The following CSGALNACT1 variants were observed in gnomAD, a reference collection of about 807,000 sequenced individuals.
CSGALNACT1 encodes chondroitin sulfate N-acetylgalactosaminyltransferase 1.
CSGALNACT1 carries 52 observed loss-of-function variants against 51.0 expected under a neutral mutation model. That is an observed-to-expected ratio of 1.02 (90% confidence interval 0.82 to 1.29). CSGALNACT1 has a LOEUF of 1.29. Ranked by LOEUF, CSGALNACT1 falls within the 50% of genes most tolerant of loss-of-function variation. The pLI is 0.00. For missense variants in CSGALNACT1, 935 were observed against 679.2 expected, an observed-to-expected ratio of 1.38 and a Z score of -4.19; for synonymous variants, 341 against 254.4, an observed-to-expected ratio of 1.34 and a Z score of -3.24.
chr8:19,707,652 C>A (rs995172061), intron 1 of CSGALNACT1, among the ~76,000 whole-genome samples: 1 of 127,300 alleles, frequency 7.9e-6, no homozygotes, highest in Non-Finnish European at 1.7e-5. Flanking sequence ...ACTAGATAAA[C>A]AGTATATGTT....
intron 3 of CSGALNACT1, among the ~76,000 whole-genome samples, chr8:19,516,664 C>T (rs1281192607): frequency 4.6e-5 from 7 of 152,208 alleles, no homozygotes; most frequent in African/African-American, 1.4e-4. Context: ...AGAATATCTT[C>T]GCAACATTCA....
At chr8:19,575,718 A>G (rs565999442) in intron 3 of CSGALNACT1, among the ~76,000 whole-genome samples, 1 of 152,348 alleles carries the variant, frequency 6.6e-6, no homozygotes, top group African/African-American at 2.4e-5. Context: ...AAGTATAAAC[A>G]AAAGTATTTA....
intron 3 of CSGALNACT1, among the ~76,000 whole-genome samples, chr8:19,573,358 C>T (rs959990064): frequency 9.9e-5 from 15 of 152,158 alleles, no homozygotes; most frequent in Non-Finnish European, 1.9e-4. Context: ...TGGCCTTCCT[C>T]GGCACTGGAT....
chr8:19,434,188 G>C (rs1285138551), intron 6 of CSGALNACT1, among the ~76,000 whole-genome samples: 1 of 152,068 alleles, frequency 6.6e-6, no homozygotes, highest in Non-Finnish European at 1.5e-5. Context: ...TGTTTGCAGA[G>C]GCCTTTACTC....
At chr8:19,715,749 G>C (rs561214299) in intron 1 of CSGALNACT1, among the ~76,000 whole-genome samples, 108 of 152,218 alleles carry the variant, frequency 7.1e-4, no homozygotes, top group African/African-American at 2.6e-3. Flanking sequence ...AGTTCTGCTA[G>C]GTGTCTAGTG....
chr8:19,703,740 T>C (rs2062003843), intron 1 of CSGALNACT1, among the ~76,000 whole-genome samples: 1 of 152,214 alleles, frequency 6.6e-6, no homozygotes, highest in Non-Finnish European at 1.5e-5. Flanking sequence ...CATGTCTCCC[T>C]GATTGATACA....
intron 6 of CSGALNACT1, among the ~76,000 whole-genome samples, chr8:19,437,507 C>T (rs533257981): frequency 6.6e-6 from 1 of 152,022 alleles, no homozygotes; most frequent in East Asian, 1.9e-4. Flanking sequence ...GAGAGGTGGC[C>T]TGACCAGCAA....
At chr8:19,522,094 G>C (rs2080843089) in intron 3 of CSGALNACT1, among the ~76,000 whole-genome samples, 1 of 152,208 alleles carries the variant, frequency 6.6e-6, no homozygotes, top group Admixed American at 6.5e-5. Flanking sequence ...GAGGAGCACA[G>C]AAAGGCTTGT....
At chr8:19,500,118 A>C (rs1214538620) in intron 4 of CSGALNACT1, among the ~76,000 whole-genome samples, 2 of 152,176 alleles carry the variant, frequency 1.3e-5, no homozygotes, top group African/African-American at 4.8e-5. Context: ...GCCTGGTGAG[A>C]GAGGAACCTT....
intron 1 of CSGALNACT1, among the ~76,000 whole-genome samples, chr8:19,692,349 T>C (rs1564434878): frequency 6.6e-6 from 1 of 152,208 alleles, no homozygotes; most frequent in Admixed American, 6.5e-5. Flanking sequence ...ACACTAAAGT[T>C]GGAGAACCAC....
At chr8:19,422,122 C>T (rs1402149604) in intron 6 of CSGALNACT1, among the ~76,000 whole-genome samples, 1 of 152,160 alleles carries the variant, frequency 6.6e-6, no homozygotes, top group Non-Finnish European at 1.5e-5. Context: ...CCTTTACACA[C>T]TAAGACGCTA....
In CSGALNACT1 at chr8:19,577,215, T is replaced by C. The variant is rs561963457; in HGVS notation, c.-297+13945A>G. ...TGGCCTTGGAGAATTCATAATTTTG[T>C]TCTCCACGCGATACTAGCTCTACTG... On this transcript the variant is annotated intron_variant, in intron 3 of 9. Transcript: ENST00000454498. Among the ~76,000 whole-genome samples the C allele has an allele frequency of 7.9e-5, 12 of 152,266 alleles. No homozygotes were observed. The South Asian group carries it at 1.0e-3, about 13-fold the overall frequency.
intron 1 of CSGALNACT1, among the ~76,000 whole-genome samples, chr8:19,723,386 A>G (rs1403567752): frequency 1.3e-5 from 2 of 152,270 alleles, no homozygotes; most frequent in Non-Finnish European, 2.9e-5. Context: ...AATTACACTT[A>G]CATCATGTAA....
At chr8:19,458,764 A>G in intron 4 of CSGALNACT1, 122 bp from the exon 4 acceptor site, 1 of 932,434 alleles carries the variant, frequency 1.1e-6, no homozygotes, top group East Asian at 2.4e-5. Context: ...CTCTCCAACA[A>G]TTATTCGAAA....
At chr8:19,736,926 G>A (rs1360041308) in intron 1 of CSGALNACT1, among the ~76,000 whole-genome samples, 2 of 116,790 alleles carry the variant, frequency 1.7e-5, no homozygotes, top group Non-Finnish European at 3.7e-5. Flanking sequence ...CTCTGAACAG[G>A]ATAAAAAAAA....
At chr8:19,513,244 G>A (rs975581677) in intron 3 of CSGALNACT1, among the ~76,000 whole-genome samples, 2 of 151,882 alleles carry the variant, frequency 1.3e-5, no homozygotes, top group Non-Finnish European at 2.9e-5. Flanking sequence ...CCAGGACATA[G>A]GAGGATAGCG....
intron 1 of CSGALNACT1, among the ~76,000 whole-genome samples, chr8:19,617,650 C>T (rs2053219608): frequency 6.6e-6 from 1 of 152,138 alleles, no homozygotes; most frequent in African/African-American, 2.4e-5. Flanking sequence ...TAATTCTGAA[C>T]AAGAAGTTCC....
chr8:19,582,880 G>C (rs1564143466), intron 3 of CSGALNACT1, among the ~76,000 whole-genome samples: 1 of 152,076 alleles, frequency 6.6e-6, no homozygotes, highest in Non-Finnish European at 1.5e-5. Flanking sequence ...AGTAAAAAGA[G>C]CACCAAATGA....
At chr8:19,642,547 G>A (rs948634376) in intron 1 of CSGALNACT1, among the ~76,000 whole-genome samples, 3 of 152,096 alleles carry the variant, frequency 2.0e-5, no homozygotes, top group Admixed American at 1.3e-4. Context: ...AAGGAGGGTG[G>A]ATCACTTGAG....
Sources: gnomAD v4.1 joint callset for allele counts (sites outside exome capture counted in the v4.1 genomes callset) on GRCh38, gnomAD v4.1.1 for gene constraint, MANE v1.5 for transcripts, NCBI Gene and HGNC (gene_info 2026-07-23, HGNC 2026-07-21) for gene names.